USH2A: variants seen among roughly 807,000 people sequenced by gnomAD.
The protein encoded by USH2A is usherin, also known as Usher syndrome 2A (autosomal recessive, mild).
A neutral mutation model predicts 538.9 loss-of-function variants in USH2A; 443 were observed. The ratio of observed to expected loss-of-function variants is 0.82; its 90% CI spans 0.76 to 0.89. The LOEUF (loss-of-function observed/expected upper bound fraction) is 0.89, where lower values mean the gene tolerates loss of function less well. Ranked by LOEUF, USH2A falls within the 40% of genes least tolerant of loss-of-function variation. The probability of loss-of-function intolerance (pLI) is 0.00; values close to 1 mark genes in which losing one functional copy is unlikely to be tolerated. For synonymous variants in USH2A, 2,413 were observed against 2,273.5 expected (o/e 1.06, Z -1.75); for missense variants, 6,633 against 6,324.8 (o/e 1.05, Z -1.65).
intron 64 of USH2A, among the ~76,000 whole-genome samples, chr1:215,664,371 A>G (rs980505401): frequency 1.3e-5 from 2 of 152,226 alleles, no homozygotes; most frequent in East Asian, 1.9e-4. Context: ...CATCTTGGTG[A>G]TGAATAACCA....
At chr1:216,311,575 G>T (rs2037420363) in intron 9 of USH2A, among the ~76,000 whole-genome samples, 1 of 151,954 alleles carries the variant, frequency 6.6e-6, no homozygotes, top group South Asian at 2.1e-4. Flanking sequence ...TCTTTTTGGC[G>T]GGAGAGGGGC....
chr1:215,954,799 A>T (rs1667023310), intron 37 of USH2A, among the ~76,000 whole-genome samples: 1 of 152,036 alleles, frequency 6.6e-6, no homozygotes. Flanking sequence ...AGTCCTTAAA[A>T]CAGTCTGCTG....
At chr1:216,269,586 A>G (rs1210088325) in intron 11 of USH2A, among the ~76,000 whole-genome samples, 1 of 152,166 alleles carries the variant, frequency 6.6e-6, no homozygotes, top group Non-Finnish European at 1.5e-5. Flanking sequence ...TAATAGTAAC[A>G]GGAAGAGTGC....
chr1:216,395,009 C>T (rs576145526), intron 3 of USH2A, among the ~76,000 whole-genome samples: 201 of 152,256 alleles, frequency 1.3e-3, no homozygotes, highest in African/African-American at 4.0e-3. Context: ...TGAGCCACCG[C>T]GCCCAGCCGG....
At chr1:215,673,982 G>A in intron 63 of USH2A, 118 bp downstream of exon 63, 1 of 1,555,768 alleles carries the variant, frequency 6.4e-7, no homozygotes, top group Non-Finnish European at 8.8e-7. Flanking sequence ...TAGGTGGATG[G>A]AGGTTGGGGA....
intron 44 of USH2A, among the ~76,000 whole-genome samples, chr1:215,854,894 C>T (rs1323625496): frequency 1.3e-5 from 2 of 152,156 alleles, no homozygotes; most frequent in African/African-American, 4.8e-5. Context: ...CATGCCTTGC[C>T]CCCAGGTAGC....
chr1:216,064,165 T>C (rs1356342560), intron 30 of USH2A, among the ~76,000 whole-genome samples: 1 of 152,200 alleles, frequency 6.6e-6, no homozygotes, highest in Non-Finnish European at 1.5e-5. Context: ...ATGATTATCA[T>C]AGACTTTATG....
At chr1:215,740,033 C>T (rs562615463) in intron 60 of USH2A, among the ~76,000 whole-genome samples, 67 of 152,320 alleles carry the variant, frequency 4.4e-4, no homozygotes, top group African/African-American at 1.6e-3. Flanking sequence ...GTTTTTCAAT[C>T]TGCAAGTCCT....
chr1:215,973,944 A>G (rs931575494), intron 35 of USH2A, among the ~76,000 whole-genome samples: 2 of 143,688 alleles, frequency 1.4e-5, no homozygotes, highest in African/African-American at 5.9e-5. Context: ...GTGAGATCAC[A>G]CACACACACA....
At chr1:216,351,667 T>C (rs1474728545) in intron 4 of USH2A, among the ~76,000 whole-genome samples, 1 of 149,896 alleles carries the variant, frequency 6.7e-6, no homozygotes, top group East Asian at 1.9e-4. Context: ...AGAACAATTA[T>C]GGCTGCTGTG....
chr1:216,390,301 A>G (rs1314269132), intron 3 of USH2A, among the ~76,000 whole-genome samples: 1 of 152,200 alleles, frequency 6.6e-6, no homozygotes, highest in Non-Finnish European at 1.5e-5. Context: ...AGTTATTTGT[A>G]TAGAGCAGGA....
intron 4 of USH2A, among the ~76,000 whole-genome samples, chr1:216,355,319 GAAAGAAAGAAAGAAAGAA>G (rs1036129165): frequency 3.8e-5 from 2 of 53,132 alleles, no homozygotes; most frequent in African/African-American, 9.2e-5. Context: ...AAGAAAGAAA[GAAAGAAAGAAAGAAAGAA>G]AGAAAGAAAG....
intron 30 of USH2A, among the ~76,000 whole-genome samples, chr1:216,063,061 TA>T: frequency 6.6e-6 from 1 of 152,298 alleles, no homozygotes; most frequent in East Asian, 1.9e-4. Flanking sequence ...ACTTAAATAT[TA>T]AAATCTCAAC....
At chr1:216,253,157 T>C (rs1187177621) in intron 11 of USH2A, among the ~76,000 whole-genome samples, 1 of 151,784 alleles carries the variant, frequency 6.6e-6, no homozygotes, top group Non-Finnish European at 1.5e-5. Context: ...TTTTCTTTTT[T>C]TTTTTTTTGA....
chr1:215,772,888 C>A (rs1053933159), intron 55 of USH2A, among the ~76,000 whole-genome samples: 1 of 152,140 alleles, frequency 6.6e-6, no homozygotes, highest in South Asian at 2.1e-4. Flanking sequence ...GCCTGAGTTA[C>A]GTTAAAAAGT....
At chr1:216,097,604 T>G (rs2032471035) in intron 21 of USH2A, among the ~76,000 whole-genome samples, 1 of 152,160 alleles carries the variant, frequency 6.6e-6, no homozygotes, top group South Asian at 2.1e-4. Context: ...CTTAAAATAT[T>G]TATGAAGTTT....
chr1:216,134,643 A>T (rs1369684542), intron 21 of USH2A, among the ~76,000 whole-genome samples: 1 of 152,130 alleles, frequency 6.6e-6, no homozygotes, highest in African/African-American at 2.4e-5. Flanking sequence ...CACCCAGTGG[A>T]CAAACTTTTC....
intron 38 of USH2A, among the ~76,000 whole-genome samples, chr1:215,921,366 A>G (rs1280468097): frequency 6.6e-6 from 1 of 151,992 alleles, no homozygotes; most frequent in Admixed American, 6.6e-5. Context: ...GCTTTTTTGT[A>G]AGGCTGTAAA....
At chr1:216,043,825 C>G (rs909132849) in intron 32 of USH2A, among the ~76,000 whole-genome samples, 5 of 152,096 alleles carry the variant, frequency 3.3e-5, no homozygotes, top group African/African-American at 1.2e-4. Flanking sequence ...CCATTAGCTG[C>G]ACCACTTCCC....
Sources: allele counts gnomAD v4.1 joint callset (sites outside exome capture counted in the v4.1 genomes callset), GRCh38; gene constraint gnomAD v4.1.1; transcripts MANE v1.5; gene names NCBI Gene and HGNC (gene_info 2026-07-23, HGNC 2026-07-21).